REEP3: variants seen among roughly 807,000 people sequenced by gnomAD.
The protein encoded by REEP3 is receptor accessory protein 3, also known as receptor expression-enhancing protein 3.
A neutral mutation model predicts 41.3 loss-of-function variants in REEP3; 20 were observed. The ratio of observed to expected loss-of-function variants is 0.48; its 90% confidence interval spans 0.34 to 0.70. The LOEUF is 0.70. REEP3 is among the 30% of genes least tolerant of loss of function. The pLI is 0.01. For synonymous variants in REEP3, 104 were observed against 101.8 expected (o/e 1.02, Z -0.13); for missense variants, 271 against 308.8 (o/e 0.88, Z 0.92).
chr10:63,523,934 A>T (rs1955331479), intron 1 of REEP3, among the ~76,000 whole-genome samples: 1 of 152,188 alleles, frequency 6.6e-6, no homozygotes, highest in South Asian at 2.1e-4. Context: ...ACTCCTTAGG[A>T]GGCTCCCTAA....
chr10:63,595,640 G>A (rs1332572380), intron 3 of REEP3, among the ~76,000 whole-genome samples: 1 of 151,240 alleles, frequency 6.6e-6, no homozygotes, highest in South Asian at 2.1e-4. Context: ...GCAGTGGCAC[G>A]ATCTCGGCTC....
Position 63,624,923 on chromosome 10 carries a change from C to T in REEP3, c.*4054C>T, listed in dbSNP as rs796857101. Reference sequence around the variant, plus strand: ...GGGTTCCATCTGTTTTAAAGTTAGACGTCTGTCTGCCTCACATTTAAGCTT... The same window carrying T: ...GGGTTCCATCTGTTTTAAAGTTAGATGTCTGTCTGCCTCACATTTAAGCTT... On this transcript the variant is annotated 3_prime_UTR_variant, in exon 8 of 8. Coordinates refer to ENST00000373758, the MANE Select transcript of REEP3 (RefSeq NM_001001330.3). The T allele has an allele frequency of 4.9e-4, 75 of 152,152 alleles. No homozygotes were observed. The highest frequency in any genetic ancestry group is 1.7e-3 in the African/African-American group (69 of 41,538). 9.4% of individuals were successfully genotyped at this position (152,152 alleles called of 1,614,324 possible).
rs974404330 is a variant in REEP3 at position 63,567,485 on chromosome 10, A to G, written c.105+1075A>G. ...TCAGCATAATGTTTTTAAGGTTCAT[A>G]CGTATCTTAGTATGTATTTCATTTT... On this transcript the variant is annotated intron_variant, in intron 2 of 7. Transcript: ENST00000373758. Among the ~76,000 whole-genome samples, 4 of 152,266 alleles carry G rather than the reference A, an allele frequency of 2.6e-5. No homozygotes were observed. In the South Asian group the frequency reaches 8.3e-4, roughly 32 times the overall value.
At chr10:63,526,874 T>C (rs1280855491) in intron 1 of REEP3, among the ~76,000 whole-genome samples, 3 of 152,138 alleles carry the variant, frequency 2.0e-5, no homozygotes, top group African/African-American at 7.2e-5. Context: ...ATAGAGAGTT[T>C]ATAGTTTTAA....
intron 4 of REEP3, among the ~76,000 whole-genome samples, chr10:63,598,590 C>T (rs1956140451): frequency 6.6e-6 from 1 of 151,516 alleles, no homozygotes. Flanking sequence ...CGAGACCATC[C>T]TGGCTAACAC....
At chr10:63,581,173 A>G (rs1195460601) in intron 2 of REEP3, among the ~76,000 whole-genome samples, 1 of 152,196 alleles carries the variant, frequency 6.6e-6, no homozygotes, top group African/African-American at 2.4e-5. Flanking sequence ...TCCATTATGT[A>G]ATTTTAAAAA....
intron 2 of REEP3, among the ~76,000 whole-genome samples, chr10:63,569,189 A>G (rs1955830999): frequency 6.6e-6 from 1 of 152,200 alleles, no homozygotes; most frequent in Admixed American, 6.5e-5. Context: ...TCCAAACACC[A>G]TGAAAATATG....
chr10:63,570,924 G>C (rs1278212857), intron 2 of REEP3, among the ~76,000 whole-genome samples: 1 of 152,130 alleles, frequency 6.6e-6, no homozygotes, highest in Non-Finnish European at 1.5e-5. Context: ...ACACCAACCT[G>C]GGCAACATGG....
At chr10:63,541,921 A>G (rs375313489) in intron 1 of REEP3, among the ~76,000 whole-genome samples, 81 of 152,280 alleles carry the variant, frequency 5.3e-4, no homozygotes, top group African/African-American at 1.9e-3. Flanking sequence ...ACATTTTTCC[A>G]TTTTTATGCA....
rs1391874581 is a variant in REEP3 at position 63,556,613 on chromosome 10, TG to T, written c.33-9724del. On this transcript the variant is annotated intron_variant, in intron 1 of 7. Coordinates refer to ENST00000373758, the MANE Select transcript of REEP3 (RefSeq NM_001001330.3). The stretch of plus-strand genomic sequence containing the variant: ...TGTTTTGTTTTGTTTTCTGTTTGCT[TG>T]TTTTTTTTTTTGTTGTTTTGTTTTT... 5.0e-3 allele frequency among the ~76,000 whole-genome samples: 25 copies of T among 4,974 alleles called. 1 individual carries two copies. The highest frequency in any genetic ancestry group is 0.031 in the East Asian group (1 of 32). The allele number at this position is 4,974 out of a possible 152,430, so 3.3% of individuals were successfully genotyped here.
At chr10:63,615,081 GA>G (rs904114123) in intron 6 of REEP3, among the ~76,000 whole-genome samples, 1 of 151,604 alleles carries the variant, frequency 6.6e-6, no homozygotes, top group Non-Finnish European at 1.5e-5. Flanking sequence ...AGATTGTAGG[GA>G]AAAAAAATAA....
chr10:63,588,973 A>G (rs7901110), intron 2 of REEP3, among the ~76,000 whole-genome samples: 10,363 of 152,240 alleles, frequency 0.068, 650 homozygotes, highest in African/African-American at 0.16. Flanking sequence ...GTAAAAGAGC[A>G]GGTGTGGCTG....
chr10:63,616,538 A>AT (rs1329214764), intron 6 of REEP3, among the ~76,000 whole-genome samples: 4 of 152,056 alleles, frequency 2.6e-5, no homozygotes, highest in South Asian at 2.1e-4. Context: ...AGCTAATAAG[A>AT]TTTTTTTTAG....
intron 6 of REEP3, among the ~76,000 whole-genome samples, chr10:63,618,980 T>C (rs1956332842): frequency 6.6e-6 from 1 of 152,362 alleles, no homozygotes; most frequent in Non-Finnish European, 1.5e-5. Context: ...CTCTCACTGA[T>C]CTGCCTGATT....
intron 1 of REEP3, among the ~76,000 whole-genome samples, chr10:63,548,582 G>A (rs1955600023): frequency 6.6e-6 from 1 of 152,104 alleles, no homozygotes; most frequent in African/African-American, 2.4e-5. Context: ...TCCCAGAAGT[G>A]CCTAATGAGA....
In REEP3 at chr10:63,622,705, C is replaced by CTTTTTTTTTTTTTTTTTTTT. The variant is rs67568146; in HGVS notation, c.*1837_*1856dup. On this transcript the variant is annotated 3_prime_UTR_variant, in exon 8 of 8. Transcript: ENST00000373758. ...TGGGAGCTGATTTGCACCATTTTACCTTTTTTTTTTTTTTTTTTTTGAGAC... is the reference window on the plus strand; with the variant it reads ...TGGGAGCTGATTTGCACCATTTTACCTTTTTTTTTTTTTTTTTTTTTTTTTTTTTTTTTTTTTTTTGAGAC... 1.0e-4 allele frequency: 12 copies of CTTTTTTTTTTTTTTTTTTTT among 116,600 alleles called. No homozygotes were observed. The highest frequency in any genetic ancestry group is 4.3e-4 in the African/African-American group (12 of 28,056). The allele number at this position is 116,600 out of a possible 1,614,324, so 7.2% of individuals were successfully genotyped here.
At chr10:63,589,550 G>C (rs1178427267) in intron 2 of REEP3, among the ~76,000 whole-genome samples, 1 of 152,094 alleles carries the variant, frequency 6.6e-6, no homozygotes, top group South Asian at 2.1e-4. Flanking sequence ...GCTCTCACCT[G>C]CTTACCATCT....
chr10:63,578,138 C>T (rs1955913637), intron 2 of REEP3, among the ~76,000 whole-genome samples: 1 of 152,176 alleles, frequency 6.6e-6, no homozygotes. Flanking sequence ...CTTGCTCTGT[C>T]ACCCAGGCTA....
chr10:63,549,747 T>C (rs1231470049), intron 1 of REEP3, among the ~76,000 whole-genome samples: 2 of 152,184 alleles, frequency 1.3e-5, no homozygotes, highest in African/African-American at 4.8e-5. Context: ...TAAATGTTTC[T>C]CATTGTTGGA....
Sources: allele counts gnomAD v4.1 joint callset (sites outside exome capture counted in the v4.1 genomes callset), GRCh38; gene constraint gnomAD v4.1.1; transcripts MANE v1.5; gene names NCBI Gene and HGNC (gene_info 2026-07-23, HGNC 2026-07-21).